Variants in MYPN observed in about 807,000 individuals in gnomAD.
MYPN encodes myopalladin.
Under a neutral mutation model 129.4 loss-of-function variants are expected in MYPN, and 63 were observed. The observed-to-expected ratio is 0.49, with a 90% confidence interval of 0.40 to 0.60. MYPN has a LOEUF of 0.60. MYPN is among the 20% of genes least tolerant of loss of function. MYPN has a pLI of 0.00. For synonymous variants in MYPN, 629 were observed against 600.9 expected (o/e 1.05, Z -0.68); for missense variants, 1,596 against 1,635.4 (o/e 0.98, Z 0.42).
At chr10:68,202,877 G>C (rs1329723241) in intron 18 of MYPN, among the ~76,000 whole-genome samples, 1 of 152,056 alleles carries the variant, frequency 6.6e-6, no homozygotes, top group Non-Finnish European at 1.5e-5. Context: ...GATTGTGGGG[G>C]TGTGGGGGTG....
upstream of MYPN, among the ~76,000 whole-genome samples, chr10:68,102,122 C>CTTTT (rs35930233): frequency 8.8e-4 from 95 of 108,398 alleles, 2 homozygotes; most frequent in East Asian, 1.8e-3. Context: ...TTTCTCTCTC[C>CTTTT]TTTTTTTTTT....
intron 2 of MYPN, among the ~76,000 whole-genome samples, chr10:68,125,046 C>A (rs10740283): frequency 0.48 from 73,571 of 151,772 alleles, 19,069 homozygotes; most frequent in East Asian, 0.69. Flanking sequence ...TTGATTAAAA[C>A]AAAAATTAGA....
intron 2 of MYPN, among the ~76,000 whole-genome samples, chr10:68,129,997 T>C (rs1302439818): frequency 6.6e-6 from 1 of 152,190 alleles, no homozygotes; most frequent in African/African-American, 2.4e-5. Flanking sequence ...GTATGAAGTA[T>C]TATCTCAAGT....
At chr10:68,171,787 G>T (rs973904522) in intron 10 of MYPN, among the ~76,000 whole-genome samples, 1 of 152,184 alleles carries the variant, frequency 6.6e-6, no homozygotes, top group East Asian at 1.9e-4. Context: ...GGGTGAGAAA[G>T]CCCTGATTTT....
chr10:68,162,143 C>A (rs185068659), intron 8 of MYPN: 1 of 131,224 alleles, frequency 7.6e-6, no homozygotes, highest in Non-Finnish European at 1.5e-5. Context: ...AGTCCAGCTG[C>A]GCGACAGAAC....
intron 10 of MYPN, among the ~76,000 whole-genome samples, chr10:68,171,719 T>C (rs2043147610): frequency 6.6e-6 from 1 of 152,228 alleles, no homozygotes; most frequent in Non-Finnish European, 1.5e-5. Flanking sequence ...ACAGCAGATT[T>C]ACTCAGAACT....
intron 2 of MYPN, among the ~76,000 whole-genome samples, chr10:68,129,350 A>G (rs888435415): frequency 6.6e-6 from 1 of 152,256 alleles, no homozygotes; most frequent in Non-Finnish European, 1.5e-5. Context: ...AACTGATACA[A>G]GTGAAATCAG....
At chr10:68,207,631 C>A (rs2043838304) in intron 19 of MYPN, among the ~76,000 whole-genome samples, 1 of 152,108 alleles carries the variant, frequency 6.6e-6, no homozygotes, top group Admixed American at 6.5e-5. Context: ...ATCCCCCAGA[C>A]TTCTCTAATA....
At chr10:68,090,473 C>T (rs1056569134) in intron 1 of MYPN, among the ~76,000 whole-genome samples, 1 of 152,060 alleles carries the variant, frequency 6.6e-6, no homozygotes, top group Non-Finnish European at 1.5e-5. Context: ...CCTCAATGAG[C>T]ACTTATTAAA....
intron 1 of MYPN, among the ~76,000 whole-genome samples, chr10:68,112,372 C>T (rs537756650): frequency 3.9e-5 from 6 of 152,316 alleles, no homozygotes; most frequent in African/African-American, 7.2e-5. Flanking sequence ...ATACATAATA[C>T]GCTTCGTAGG....
At chr10:68,147,220 T>C (rs377529864) in intron 4 of MYPN, among the ~76,000 whole-genome samples, 10 of 152,204 alleles carry the variant, frequency 6.6e-5, no homozygotes, top group African/African-American at 1.9e-4. Context: ...TGTAGTGCGA[T>C]CTCAGCTCAC....
Position 68,182,462 on chromosome 10 carries a change from TAACATATATAC to T in MYPN, c.2704-6441_2704-6431del, listed in dbSNP as rs1459376941. On this transcript the variant is annotated intron_variant, in intron 12 of 19. Transcript: ENST00000358913. Reference sequence around the variant, plus strand: ...ATAACATATATATAACATATATATATAACATATATACACACACACACACACACACACACACA... The same window carrying T: ...ATAACATATATATAACATATATATATACACACACACACACACACACACACA... Among the ~76,000 whole-genome samples, 206 of 91,960 alleles carry T rather than the reference TAACATATATAC, an allele frequency of 2.2e-3. 23 individuals are homozygous for T. The highest frequency in any genetic ancestry group is 0.021 in the Middle Eastern group (4 of 192). 60.3% of individuals were successfully genotyped at this position (91,960 alleles called of 152,430 possible). A position where few individuals can be genotyped will look rare whatever the true frequency, so the allele number is the denominator to read the frequency against.
chr10:68,186,548 A>G (rs1028108921), intron 12 of MYPN, among the ~76,000 whole-genome samples: 99 of 152,300 alleles, frequency 6.5e-4, no homozygotes, highest in African/African-American at 2.3e-3. Context: ...AGGGTTAACT[A>G]GAGTCATAAA....
At chr10:68,194,006 C>T (rs34869044) in intron 13 of MYPN, among the ~76,000 whole-genome samples, 82,248 of 151,558 alleles carry the variant, frequency 0.54, 23,886 homozygotes, top group Non-Finnish European at 0.64. Context: ...ATGAGAATAT[C>T]CACTCTCCTG....
At chr10:68,129,707 T>C (rs1207395207) in intron 2 of MYPN, among the ~76,000 whole-genome samples, 1 of 152,236 alleles carries the variant, frequency 6.6e-6, no homozygotes, top group African/African-American at 2.4e-5. Flanking sequence ...GAGTTTTGGT[T>C]GTTCTACATC....
chr10:68,104,152 A>G (rs1480666371), upstream of MYPN, among the ~76,000 whole-genome samples: 1 of 152,230 alleles, frequency 6.6e-6, no homozygotes, highest in Non-Finnish European at 1.5e-5. Flanking sequence ...TACACTTGTA[A>G]GAAATGTTAG....
At chr10:68,141,277 G>A (rs551743940) in intron 2 of MYPN, among the ~76,000 whole-genome samples, 2 of 152,120 alleles carry the variant, frequency 1.3e-5, no homozygotes, top group African/African-American at 2.4e-5. Context: ...GCTGAGGCAG[G>A]AGAATTGCTT....
chr10:68,207,010 C>A (rs1296769455), intron 19 of MYPN, 107 bp downstream of exon 19: 5 of 1,422,044 alleles, frequency 3.5e-6, no homozygotes, highest in South Asian at 2.4e-5. Flanking sequence ...GTAATCCCAG[C>A]ACTTTGGGAG....
In MYPN at chr10:68,122,234, G is replaced by C. The variant is rs1235232129; in HGVS notation, c.796G>C (p.Gly266Arg). ...PSSLYYEEPL[G>R]QPPRFTQKLR... ...ATCTCTGTACTATGAAGAACCTCTG[G>C]GGCAACCTCCCCGGTTCACTCAAAA... The change falls in exon 2 of 20, where the codon GGG becomes CGG. Residue 266 changes from glycine (G) to arginine (R), a missense_variant. Gly to Arg is a moderately radical substitution (Grantham distance 125, BLOSUM62 -2). Coordinates refer to ENST00000358913, the MANE Select transcript of MYPN (RefSeq NM_032578.4). 6 of 1,612,220 alleles carry C rather than the reference G, an allele frequency of 3.7e-6. No homozygotes were observed. Among genetic ancestry groups the C allele is most frequent in the East Asian group, 4.5e-5 (2 of 44,876 alleles).
Sources: gnomAD v4.1 joint callset for allele counts (sites outside exome capture counted in the v4.1 genomes callset) on GRCh38, gnomAD v4.1.1 for gene constraint, MANE v1.5 for transcripts, NCBI Gene and HGNC (gene_info 2026-07-23, HGNC 2026-07-21) for gene names.